The following C4orf36 variants were observed in gnomAD, a reference collection of about 807,000 sequenced individuals.
The protein encoded by C4orf36 is chromosome 4 open reading frame 36, also known as uncharacterized protein C4orf36.
C4orf36 carries 11 observed loss-of-function variants against 12.2 expected under a neutral mutation model. That is an observed-to-expected ratio of 0.90 (90% CI 0.57 to 1.49). The LOEUF (loss-of-function observed/expected upper bound fraction) is 1.49, where lower values mean the gene tolerates loss of function less well. C4orf36 is among the 40% of genes most tolerant of loss of function. The probability of loss-of-function intolerance (pLI) is 0.00; values close to 1 mark genes in which losing one functional copy is unlikely to be tolerated. For synonymous variants in C4orf36, 54 were observed against 51.3 expected (o/e 1.05, Z -0.22); for missense variants, 137 against 133.9 (o/e 1.02, Z -0.11).
At chr4:86,928,837 C>T in the C4orf36 span, among the ~76,000 whole-genome samples, 7 of 152,260 alleles carry the variant, frequency 4.6e-5, no homozygotes, top group South Asian at 4.2e-4. Flanking sequence ...TTCATGTCCC[C>T]GTTTGATCAC....
the C4orf36 span, among the ~76,000 whole-genome samples, chr4:86,900,087 G>A: frequency 6.6e-6 from 1 of 151,716 alleles, no homozygotes; most frequent in Non-Finnish European, 1.5e-5. Context: ...CCAGGCTGGA[G>A]TGCAGTGGCA....
At chr4:86,928,900 C>A in the C4orf36 span, among the ~76,000 whole-genome samples, 1 of 151,634 alleles carries the variant, frequency 6.6e-6, no homozygotes, top group Admixed American at 6.6e-5. Flanking sequence ...AATTTTTTTT[C>A]TTCCTCCTTC....
chr4:86,895,208 C>A (rs1169967525), upstream of C4orf36, among the ~76,000 whole-genome samples: 1 of 152,028 alleles, frequency 6.6e-6, no homozygotes, highest in Non-Finnish European at 1.5e-5. Flanking sequence ...CCCAACTACT[C>A]CAGAGGCTGA....
the C4orf36 span, among the ~76,000 whole-genome samples, chr4:86,902,443 GAAA>G: frequency 6.1e-5 from 6 of 98,132 alleles, no homozygotes; most frequent in African/African-American, 2.3e-4. Context: ...AAAAAAAAAA[GAAA>G]GAAAGAAAGA....
chr4:86,881,042 A>C (rs966581686), intron 4 of C4orf36, among the ~76,000 whole-genome samples: 2 of 152,050 alleles, frequency 1.3e-5, no homozygotes, highest in Non-Finnish European at 2.9e-5. Flanking sequence ...CAAAAAAAAA[A>C]AAAAAAAGGT....
In C4orf36 at chr4:86,891,542, T is replaced by C; in HGVS notation, c.-22A>G. The C allele has an allele frequency of 6.2e-7, 1 of 1,614,014 alleles. No homozygotes were observed. On this transcript the variant is annotated 5_prime_UTR_variant, in exon 2 of 5. Transcript: ENST00000295898. Reference sequence around the variant, plus strand: ...CCATGGTGAGTTATTACGGTATGATTTCGTTACATAGGTGCCTGATGGAAT... The same window carrying C: ...CCATGGTGAGTTATTACGGTATGATCTCGTTACATAGGTGCCTGATGGAAT...
the C4orf36 span, among the ~76,000 whole-genome samples, chr4:86,911,520 T>C: frequency 7.6e-4 from 116 of 152,348 alleles, no homozygotes; most frequent in Non-Finnish European, 1.3e-3. Context: ...TCTGGCCTTC[T>C]GAGCTCAGAT....
chr4:86,907,851 C>A, the C4orf36 span, among the ~76,000 whole-genome samples: 1 of 151,776 alleles, frequency 6.6e-6, no homozygotes, highest in African/African-American at 2.4e-5. Flanking sequence ...CGCCTGTAAT[C>A]CCAGCTGCTC....
chr4:86,878,027 CTTA>C (rs947235203), intron 4 of C4orf36, among the ~76,000 whole-genome samples: 9 of 151,598 alleles, frequency 5.9e-5, no homozygotes, highest in African/African-American at 2.2e-4. Flanking sequence ...GATTCATTTT[CTTA>C]TTCTTACTAC....
intron 2 of C4orf36, among the ~76,000 whole-genome samples, chr4:86,888,858 T>C (rs1178804424): frequency 6.6e-6 from 1 of 152,216 alleles, no homozygotes; most frequent in East Asian, 1.9e-4. Context: ...AGACCTGCTT[T>C]GGTCCAAGCA....
the C4orf36 span, among the ~76,000 whole-genome samples, chr4:86,907,481 A>G: frequency 6.6e-6 from 1 of 152,204 alleles, no homozygotes; most frequent in Admixed American, 6.5e-5. Flanking sequence ...CACATCCTAC[A>G]CATGAACCCC....
the C4orf36 span, among the ~76,000 whole-genome samples, chr4:86,906,520 G>C: frequency 6.6e-6 from 1 of 151,930 alleles, no homozygotes; most frequent in Non-Finnish European, 1.5e-5. Context: ...TTGAGGCCCG[G>C]AGTTCGAGAC....
the C4orf36 span, among the ~76,000 whole-genome samples, chr4:86,928,046 C>T: frequency 1.9e-4 from 29 of 152,208 alleles, no homozygotes; most frequent in Middle Eastern, 3.2e-3. Context: ...ACAACCCAGC[C>T]CCACAACATC....
At chr4:86,891,715 A>C (rs1166807592) in intron 1 of C4orf36, 122 bp from the exon 2 acceptor site, 1 of 926,922 alleles carries the variant, frequency 1.1e-6, no homozygotes, top group Non-Finnish European at 1.5e-6. Context: ...TGGAACCCCA[A>C]GTGTAAAACC....
At chr4:86,896,484 A>G (rs1408232010), upstream of C4orf36, among the ~76,000 whole-genome samples, 3 of 152,216 alleles carry the variant, frequency 2.0e-5, no homozygotes, top group Non-Finnish European at 4.4e-5. Flanking sequence ...GATAACGACA[A>G]AACAACACAT....
At chr4:86,892,472 C>T, upstream of C4orf36, 1 of 985,218 alleles carries the variant, frequency 1.0e-6, no homozygotes, top group Non-Finnish European at 1.2e-6. Flanking sequence ...TTGTGGGGCC[C>T]TCCCCACCCG....
At chr4:86,876,511 G>C in intron 4 of C4orf36, 68 bp from the exon 5 acceptor site, 4 of 1,613,832 alleles carry the variant, frequency 2.5e-6, no homozygotes, top group Non-Finnish European at 3.4e-6. Flanking sequence ...AAAATGAAAA[G>C]ATTAGAAATG....
At chr4:86,887,924 C>A (rs371149489) in intron 3 of C4orf36, 31 bp from the exon 4 acceptor site, 1 of 1,612,552 alleles carries the variant, frequency 6.2e-7, no homozygotes, top group East Asian at 2.2e-5. Context: ...AACAATCTGA[C>A]ATACATTTTT....
At chr4:86,882,917 G>A (rs1162187727) in intron 4 of C4orf36, among the ~76,000 whole-genome samples, 1 of 152,038 alleles carries the variant, frequency 6.6e-6, no homozygotes, top group African/African-American at 2.4e-5. Flanking sequence ...TTCCCTCTTC[G>A]AAGAAAGAGC....
Sources: gnomAD v4.1 joint callset for allele counts (sites outside exome capture counted in the v4.1 genomes callset) on GRCh38, gnomAD v4.1.1 for gene constraint, MANE v1.5 for transcripts, NCBI Gene and HGNC (gene_info 2026-07-23, HGNC 2026-07-21) for gene names.